Variants in ACOX3 observed in about 807,000 individuals in gnomAD.
The protein encoded by ACOX3 is acyl-CoA oxidase 3, pristanoyl, also known as peroxisomal acyl-coenzyme A oxidase 3.
In ACOX3, 73 loss-of-function variants were observed where a neutral mutation model predicts 81.5. The ratio of observed to expected loss-of-function variants is 0.90; its 90% CI spans 0.74 to 1.09. The LOEUF is 1.09. Among genes scored for constraint, ACOX3 ranks in the 50% least tolerant of loss-of-function variants. ACOX3 has a pLI of 0.00. For synonymous variants in ACOX3, 387 were observed against 375.1 expected (o/e 1.03, Z -0.37); for missense variants, 947 against 928.0 (o/e 1.02, Z -0.27).
intron 11 of ACOX3, among the ~76,000 whole-genome samples, chr4:8,391,243 G>T: frequency 6.6e-6 from 1 of 152,180 alleles, no homozygotes; most frequent in East Asian, 1.9e-4. Context: ...ATGGCTACCC[G>T]CATGTCAGTA....
rs1006642417 is a variant in ACOX3 at position 8,375,337 on chromosome 4, G to A, written c.1654-185C>T. On this transcript the variant is annotated intron_variant, in intron 14 of 17. Coordinates refer to ENST00000356406, the MANE Select transcript of ACOX3 (RefSeq NM_003501.3). The stretch of plus-strand genomic sequence containing the variant: ...CGAGACATGTTTCCAGAACACAATG[G>A]AAGAGGCCTATGAAGATGGAGCTGG... Among the ~76,000 whole-genome samples the A allele has an allele frequency of 2.0e-5, 3 of 152,240 alleles. No homozygotes were observed. In the South Asian group the frequency reaches 6.2e-4, roughly 31 times the overall value.
At chr4:8,415,573 T>C (rs1346046598) in intron 3 of ACOX3, among the ~76,000 whole-genome samples, 193 bp downstream of exon 3, 1 of 151,940 alleles carries the variant, frequency 6.6e-6, no homozygotes, top group Non-Finnish European at 1.5e-5. Flanking sequence ...GTGGATGGGC[T>C]TGAAAATAAA....
rs1242887945 is a variant in ACOX3, at chr4:8,419,759, C to T, written c.-14-3224G>A. Among the ~76,000 whole-genome samples, 2 of 152,160 alleles carry T rather than the reference C, an allele frequency of 1.3e-5. No individual in the cohort carries two copies. Among genetic ancestry groups the T allele is most frequent in the African/African-American group, 4.8e-5 (2 of 41,428 alleles). Reference sequence around the variant, plus strand: ...CTCTCATGTTCTGGAGATGCCCATACTGAGTGTTCAACACTGAATTCAGCC... The same window carrying T: ...CTCTCATGTTCTGGAGATGCCCATATTGAGTGTTCAACACTGAATTCAGCC... On this transcript the variant is annotated intron_variant, in intron 1 of 17. Coordinates refer to ENST00000356406, the MANE Select transcript of ACOX3 (RefSeq NM_003501.3). This position sits in a 1 kb window ranked among gnomAD's most constrained non-coding sequence, Gnocchi z 4.2.
intron 14 of ACOX3, among the ~76,000 whole-genome samples, chr4:8,376,570 G>A (rs1716994194): frequency 6.6e-6 from 1 of 152,248 alleles, no homozygotes. Flanking sequence ...AACAGAAACC[G>A]GGAGAAGCGC....
intron 7 of ACOX3, among the ~76,000 whole-genome samples, chr4:8,402,875 C>T (rs7691009): frequency 0.017 from 2,630 of 152,286 alleles, 98 homozygotes; most frequent in African/African-American, 0.06. Flanking sequence ...GGACATCCTG[C>T]TTCTTATTGC....
At position 8,368,250 on chromosome 4, in the gene ACOX3, C is replaced by T. The variant is rs781709928; in HGVS notation, c.1984-1170G>A. Among the ~76,000 whole-genome samples, 10 of 152,240 alleles carry T rather than the reference C, an allele frequency of 6.6e-5. No individual in the cohort carries two copies. The highest frequency in any genetic ancestry group is 1.7e-4 in the African/African-American group (7 of 41,466). ...CCTGCCCCGGGCCAGCACTCCCCTA[C>T]GGGAGGTGCAGACTTCACTGCTCTC... On this transcript the variant is annotated intron_variant, in intron 17 of 17. Coordinates refer to ENST00000356406, the MANE Select transcript of ACOX3 (RefSeq NM_003501.3). This position sits in a 1 kb window ranked among gnomAD's most constrained non-coding sequence, Gnocchi z 5.9.
chr4:8,413,795 G>A (rs1408369057), intron 5 of ACOX3, among the ~76,000 whole-genome samples: 1 of 152,262 alleles, frequency 6.6e-6, no homozygotes, highest in East Asian at 1.9e-4. Flanking sequence ...CCACAATGCA[G>A]GTACCAGAGA....
At chr4:8,415,025 C>T (rs1033088003) in intron 3 of ACOX3, 97 bp from the exon 4 acceptor site, 10 of 1,116,882 alleles carry the variant, frequency 9.0e-6, no homozygotes, top group Admixed American at 7.0e-5. Context: ...ACACCATGCC[C>T]ACGCTGGTTC....
intron 16 of ACOX3, 113 bp downstream of exon 16, chr4:8,373,448 C>G: frequency 8.9e-7 from 1 of 1,124,548 alleles, no homozygotes; most frequent in East Asian, 2.6e-5. Context: ...GCGTGTCAGT[C>G]TGGGTGATAC....
In ACOX3 at chr4:8,430,326, G is replaced by T. The variant is rs1723885337; in HGVS notation, c.-15+10322C>A. On this transcript the variant is annotated intron_variant, in intron 1 of 17. Transcript: ENST00000356406. This position sits in a 1 kb window ranked among gnomAD's most constrained non-coding sequence, Gnocchi z 5.2. ...TCTAGACTAGCCTTCCCAGCCAGGG[G>T]TCTATTGTGTTTTTGCAAAGGTCCC... is the stretch of plus-strand genomic sequence containing the variant. Among the ~76,000 whole-genome samples the T allele has an allele frequency of 6.6e-6, 1 of 152,324 alleles. No individual in the cohort carries two copies. Among genetic ancestry groups the T allele is most frequent in the South Asian group, 2.1e-4 (1 of 4,822 alleles).
intron 1 of ACOX3, among the ~76,000 whole-genome samples, chr4:8,425,061 A>G (rs886384672): frequency 6.6e-6 from 1 of 152,230 alleles, no homozygotes; most frequent in African/African-American, 2.4e-5. Context: ...ATGCAGCAAT[A>G]TGGAGAGAAA....
chr4:8,372,517 GGGGTAAA>G (rs1716343666), intron 16 of ACOX3, among the ~76,000 whole-genome samples: 1 of 152,196 alleles, frequency 6.6e-6, no homozygotes, highest in East Asian at 1.9e-4. Flanking sequence ...CTGCCCCAAG[GGGGTAAA>G]ATTTGGCTCT....
At chr4:8,418,635 G>A (rs1452195725) in intron 1 of ACOX3, among the ~76,000 whole-genome samples, 7 of 152,058 alleles carry the variant, frequency 4.6e-5, no homozygotes, top group Admixed American at 1.3e-4. Context: ...CGAGACGGGC[G>A]GATCACCTGA....
intron 1 of ACOX3, among the ~76,000 whole-genome samples, chr4:8,435,364 C>T (rs977950926): frequency 2.6e-5 from 4 of 152,186 alleles, no homozygotes; most frequent in African/African-American, 4.8e-5. Flanking sequence ...GGCGTGCTGG[C>T]GGGCACCTGT....
At chr4:8,408,219 T>G (rs1353318281) in intron 6 of ACOX3, among the ~76,000 whole-genome samples, 1 of 148,896 alleles carries the variant, frequency 6.7e-6, no homozygotes, top group Non-Finnish European at 1.5e-5. Context: ...TTTTCTAAAA[T>G]CTTTCAGCAA....
chr4:8,376,800 G>A (rs1422437202), intron 14 of ACOX3, among the ~76,000 whole-genome samples: 3 of 152,150 alleles, frequency 2.0e-5, no homozygotes, highest in Non-Finnish European at 4.4e-5. Context: ...GTGAGTGAGG[G>A]CTGGTGGCAG....
intron 1 of ACOX3, among the ~76,000 whole-genome samples, chr4:8,417,732 G>C (rs1722494877): frequency 6.6e-6 from 1 of 152,172 alleles, no homozygotes; most frequent in African/African-American, 2.4e-5. Flanking sequence ...ACAGAGAACA[G>C]AAAAATAGAG....
At position 8,389,025 on chromosome 4, in the gene ACOX3, C is replaced by A. The variant is rs73799167; in HGVS notation, c.1537+148G>T. 5.7e-3 allele frequency: 3,678 copies of A among 642,862 alleles called. 128 individuals are homozygous for A. The African/African-American group carries it at 0.06, about 10-fold the overall frequency. 39.8% of individuals were successfully genotyped at this position (642,862 alleles called of 1,614,324 possible). ...CACAAAGAGATAGTCCATGAGCCAGCCCAGGACAAGCTGCATGCGGGGCCT... is the reference window on the plus strand; with the variant it reads ...CACAAAGAGATAGTCCATGAGCCAGACCAGGACAAGCTGCATGCGGGGCCT... On this transcript the variant is annotated intron_variant, in intron 13 of 17. Coordinates refer to ENST00000356406, the MANE Select transcript of ACOX3 (RefSeq NM_003501.3). The surrounding 1 kb of genome is among the most constrained non-coding windows in gnomAD (Gnocchi z 5.3).
rs1425022098 is a variant in ACOX3 at position 8,388,949 on chromosome 4, G to A, written c.1537+224C>T. Among the ~76,000 whole-genome samples, 8 of 152,300 alleles carry A rather than the reference G, an allele frequency of 5.3e-5. No homozygotes were observed. The South Asian group carries it at 1.0e-3, about 20-fold the overall frequency. ...CAAGAGGCAAGGTATAAGGTGGCAA[G>A]TGGGCATCCTTCAATTCATCTGTGG... On this transcript the variant is annotated intron_variant, in intron 13 of 17. Coordinates refer to ENST00000356406, the MANE Select transcript of ACOX3 (RefSeq NM_003501.3).
Sources: gnomAD v4.1 joint callset for allele counts (sites outside exome capture counted in the v4.1 genomes callset) on GRCh38, gnomAD v4.1.1 for gene constraint, Gnocchi (gnomAD v3.1) non-coding constraint, MANE v1.5 for transcripts, NCBI Gene and HGNC (gene_info 2026-07-23, HGNC 2026-07-21) for gene names.